Variants in RANBP2 observed in about 807,000 individuals in gnomAD.
RANBP2 encodes RAN binding protein 2.
RANBP2 carries 57 observed loss-of-function variants against 303.6 expected under a neutral mutation model. The ratio of observed to expected loss-of-function variants is 0.19; its 90% CI spans 0.15 to 0.23. The LOEUF is 0.23. RANBP2 is among the 10% of genes least tolerant of loss of function. RANBP2 has a pLI of 1.00. For missense variants in RANBP2, 3,138 were observed against 3,780.8 expected (o/e 0.83, Z 4.46); for synonymous variants, 1,167 against 1,301.5 (o/e 0.90, Z 2.23).
the RANBP2 span, among the ~76,000 whole-genome samples, chr2:109,703,614 A>G: frequency 6.6e-6 from 1 of 152,064 alleles, no homozygotes; most frequent in Non-Finnish European, 1.5e-5. Context: ...TTTTTAGTAG[A>G]GATGAGGTTT....
chr2:108,735,619 G>C lies in RANBP2; in HGVS notation c.493G>C (p.Val165Leu), dbSNP rs374797105. The C allele has an allele frequency of 3.1e-6, 5 of 1,597,560 alleles. No homozygotes were observed. The highest frequency in any genetic ancestry group is 2.2e-5 in the East Asian group (1 of 44,886). The change falls in exon 5 of 29, where the codon GTC becomes CTC. Residue 165 changes from valine (V) to leucine (L), a missense_variant. Coordinates refer to ENST00000283195, the MANE Select transcript of RANBP2 (RefSeq NM_006267.5). ...QSELYVRPDD[V>L]HVNIRLVEVY... Reference sequence around the variant, plus strand: ...AGAACTTTATGTAAGACCTGATGACGTCCATGTGAACATCCGGCTAGTGGA... The same window carrying C: ...AGAACTTTATGTAAGACCTGATGACCTCCATGTGAACATCCGGCTAGTGGA...
At chr2:108,890,586 C>T in the RANBP2 span, among the ~76,000 whole-genome samples, 1 of 152,100 alleles carries the variant, frequency 6.6e-6, no homozygotes. Context: ...TTCTCTTGCT[C>T]TTTTTAGGAT....
the RANBP2 span, among the ~76,000 whole-genome samples, chr2:109,177,166 T>A: frequency 6.6e-6 from 1 of 152,146 alleles, no homozygotes; most frequent in Admixed American, 6.5e-5. Context: ...ACAGACACAC[T>A]CAGCCCAGAG....
the RANBP2 span, among the ~76,000 whole-genome samples, chr2:109,341,314 A>G: frequency 6.6e-6 from 1 of 152,244 alleles, no homozygotes; most frequent in East Asian, 1.9e-4. Flanking sequence ...GATTAAATCT[A>G]TAAAGTGGAA....
At chr2:109,371,606 C>T in the RANBP2 span, 6 of 1,613,892 alleles carry the variant, frequency 3.7e-6, no homozygotes, top group African/African-American at 1.3e-5. Context: ...TGACGGTGCT[C>T]AGGAGAGTGG....
chr2:109,345,108 GTCCT>G, the RANBP2 span, among the ~76,000 whole-genome samples: 83 of 152,278 alleles, frequency 5.5e-4, no homozygotes, highest in Admixed American at 7.2e-4. Flanking sequence ...CAGTGTCTCT[GTCCT>G]GGGTGGTGGC....
At chr2:109,592,991 T>C in the RANBP2 span, 4 of 1,198,998 alleles carry the variant, frequency 3.3e-6, no homozygotes, top group East Asian at 2.6e-5. Flanking sequence ...CAAGTAGTTA[T>C]TTTAAAATCA....
the RANBP2 span, among the ~76,000 whole-genome samples, chr2:109,092,969 C>T: frequency 6.6e-6 from 1 of 152,164 alleles, no homozygotes; most frequent in Non-Finnish European, 1.5e-5. Context: ...ACAAACTTTG[C>T]TATGGATCCC....
chr2:109,027,854 A>C, the RANBP2 span, among the ~76,000 whole-genome samples: 1 of 152,136 alleles, frequency 6.6e-6, no homozygotes, highest in African/African-American at 2.4e-5. Flanking sequence ...CCAGTCCCCT[A>C]CTTCTGTCTC....
the RANBP2 span, among the ~76,000 whole-genome samples, chr2:109,560,269 C>T: frequency 1.3e-5 from 2 of 152,170 alleles, no homozygotes; most frequent in South Asian, 2.1e-4. Flanking sequence ...CATTATTCTC[C>T]AAGAATTGTC....
the RANBP2 span, chr2:109,347,778 G>C: frequency 6.2e-7 from 1 of 1,614,010 alleles, no homozygotes; most frequent in South Asian, 1.1e-5. Context: ...TGCGGCGCAA[G>C]GTGGATGAAC....
At chr2:109,094,314 G>A in the RANBP2 span, among the ~76,000 whole-genome samples, 14 of 152,036 alleles carry the variant, frequency 9.2e-5, no homozygotes, top group African/African-American at 3.4e-4. Flanking sequence ...CCTCCTTTTT[G>A]GGGATCCGGT....
At chr2:109,549,510 C>T in the RANBP2 span, among the ~76,000 whole-genome samples, 1 of 152,306 alleles carries the variant, frequency 6.6e-6, no homozygotes, top group East Asian at 1.9e-4. Flanking sequence ...ATGAAGCATG[C>T]ATTCATGGTT....
At chr2:109,366,048 A>G in the RANBP2 span, among the ~76,000 whole-genome samples, 1 of 152,236 alleles carries the variant, frequency 6.6e-6, no homozygotes, top group Non-Finnish European at 1.5e-5. Context: ...AATACTTGGT[A>G]TTCACTGAGA....
chr2:109,615,011 G>A, the RANBP2 span: 2 of 1,545,508 alleles, frequency 1.3e-6, no homozygotes, highest in East Asian at 2.4e-5. Context: ...GGCCCAGCGA[G>A]GACCTGGAGC....
At chr2:109,546,444 T>A in the RANBP2 span, among the ~76,000 whole-genome samples, 1 of 152,150 alleles carries the variant, frequency 6.6e-6, no homozygotes, top group African/African-American at 2.4e-5. Flanking sequence ...TGAGTTCCCA[T>A]GCAAAAATCA....
At chr2:109,078,834 A>T in the RANBP2 span, among the ~76,000 whole-genome samples, 1 of 151,752 alleles carries the variant, frequency 6.6e-6, no homozygotes, top group Non-Finnish European at 1.5e-5. Flanking sequence ...TACAAAAAAA[A>T]AAAAAAAATA....
At chr2:109,462,673 A>G in the RANBP2 span, among the ~76,000 whole-genome samples, 1 of 152,176 alleles carries the variant, frequency 6.6e-6, no homozygotes, top group African/African-American at 2.4e-5. Flanking sequence ...CTTGCATAAC[A>G]GCCCTCTCTC....
At chr2:109,714,126 G>T in the RANBP2 span, among the ~76,000 whole-genome samples, 137 of 152,174 alleles carry the variant, frequency 9.0e-4, no homozygotes, top group Non-Finnish European at 1.5e-3. Flanking sequence ...TGTCACCCAG[G>T]TTAGAGTACA....
Sources: gnomAD v4.1 joint callset for allele counts (sites outside exome capture counted in the v4.1 genomes callset) on GRCh38, gnomAD v4.1.1 for gene constraint, MANE v1.5 for transcripts, NCBI Gene and HGNC (gene_info 2026-07-23, HGNC 2026-07-21) for gene names.